LIPM: variants seen among roughly 807,000 people sequenced by gnomAD.
LIPM encodes the protein lipase family member M.
A neutral mutation model predicts 42.4 loss-of-function variants in LIPM; 42 were observed. The observed-to-expected ratio is 0.99, with a 90% confidence interval of 0.77 to 1.28. The LOEUF (loss-of-function observed/expected upper bound fraction) is 1.28. LIPM is among the 50% of genes most tolerant of loss of function. The pLI, the probability that LIPM is intolerant of heterozygous loss-of-function variation, is 0.00. For missense variants in LIPM, 524 were observed against 520.1 expected (o/e 1.01, Z -0.07); for synonymous variants, 177 against 173.3 (o/e 1.02, Z -0.17).
chr10:88,815,770 A>G (rs1843712007), intron 6 of LIPM, among the ~76,000 whole-genome samples: 1 of 152,264 alleles, frequency 6.6e-6, no homozygotes, highest in Admixed American at 6.5e-5. Context: ...ATTAAATTAA[A>G]AAGAGCAATT....
At chr10:88,810,299 A>C (rs1406326014) in intron 2 of LIPM, among the ~76,000 whole-genome samples, 1 of 152,200 alleles carries the variant, frequency 6.6e-6, no homozygotes, top group East Asian at 1.9e-4. Context: ...CAGTCGAGTG[A>C]CTTAGCAATT....
Position 88,819,565 on chromosome 10 carries a change from C to T in LIPM, c.1003-667C>T, listed in dbSNP as rs184890184. On this transcript the variant is annotated intron_variant, in intron 8 of 8. Coordinates refer to ENST00000404743, the MANE Select transcript of LIPM (RefSeq NM_001128215.1). ...TGCTGATTAATCTCAAGGGCTCAGC[C>T]GGCTAGGCTAATTCTACTAACACTG... Among the ~76,000 whole-genome samples the T allele has an allele frequency of 1.9e-4, 29 of 152,310 alleles. No homozygotes were observed. In the East Asian group the frequency reaches 5.0e-3, roughly 26 times the overall value.
At chr10:88,813,591 G>T (rs998016323) in intron 3 of LIPM, among the ~76,000 whole-genome samples, 3 of 135,460 alleles carry the variant, frequency 2.2e-5, no homozygotes, top group Non-Finnish European at 4.9e-5. Flanking sequence ...GGAGGGGCGG[G>T]TAATAGTATA....
In LIPM at chr10:88,820,236, C is replaced by A. The variant is rs200206641; in HGVS notation, c.1007C>A (p.Thr336Asn). ...AGAACTATTCCTTTTCTCTAGCCAA[C>A]TCCTGTAAGGTACAGAGTCAGAGAT... is the stretch of plus-strand genomic sequence containing the variant. ...TKNLEKCNQP[T>N]PVRYRVRDMT... The change falls in exon 9 of 9, where the codon ACT becomes AAT. Residue 336 changes from threonine to asparagine, a missense_variant. Coordinates refer to ENST00000404743, the MANE Select transcript of LIPM (RefSeq NM_001128215.1). 2.3e-3 allele frequency: 3,496 copies of A among 1,549,760 alleles called. 5 individuals are homozygous for A. Among genetic ancestry groups the A allele is most frequent in the Non-Finnish European group, 2.6e-3 (2,995 of 1,146,336 alleles).
intron 3 of LIPM, 47 bp downstream of exon 3, chr10:88,813,342 A>T (rs760946396): frequency 1.2e-5 from 17 of 1,403,656 alleles, no homozygotes; most frequent in Non-Finnish European, 1.4e-5. Flanking sequence ...TGTCTTTCAA[A>T]AAAAATGGGT....
chr10:88,810,368 T>C (rs938954995), intron 2 of LIPM, among the ~76,000 whole-genome samples: 1 of 152,150 alleles, frequency 6.6e-6, no homozygotes, highest in Non-Finnish European at 1.5e-5. Flanking sequence ...TTTTCTTACA[T>C]CCTGTTGATT....
chr10:88,815,517 T>C lies in LIPM; in HGVS notation c.858+14T>C, dbSNP rs373741061. 43 of 1,549,006 alleles carry C rather than the reference T, an allele frequency of 2.8e-5. 1 individual carries two copies. In the African/African-American group the frequency reaches 3.4e-4, roughly 12 times the overall value. ...AATATGAACATGGTAAGTGGGAGCC[T>C]AGTAAATTCCCAGCATCCCAGCATA... On this transcript the variant is annotated intron_variant, in intron 6 of 8. Coordinates refer to ENST00000404743, the MANE Select transcript of LIPM (RefSeq NM_001128215.1).
intron 8 of LIPM, 85 bp downstream of exon 8, chr10:88,817,981 A>G: frequency 9.6e-7 from 1 of 1,041,316 alleles, no homozygotes; most frequent in East Asian, 2.6e-5. Flanking sequence ...TATTCTAGAT[A>G]TGGGAATAAA....
At chr10:88,818,729 T>G (rs1331512817) in intron 8 of LIPM, among the ~76,000 whole-genome samples, 1 of 152,188 alleles carries the variant, frequency 6.6e-6, no homozygotes, top group Non-Finnish European at 1.5e-5. Context: ...CATATGTCTA[T>G]CTAGATGTAA....
At chr10:88,807,401 T>C (rs1248268584) in intron 1 of LIPM, among the ~76,000 whole-genome samples, 1 of 152,214 alleles carries the variant, frequency 6.6e-6, no homozygotes, top group Non-Finnish European at 1.5e-5. Context: ...TTTGGCCTTC[T>C]CTCTTGCTCT....
chr10:88,810,855 T>C (rs1318151597), intron 2 of LIPM, among the ~76,000 whole-genome samples: 1 of 152,210 alleles, frequency 6.6e-6, no homozygotes, highest in African/African-American at 2.4e-5. Context: ...CCATGGGAAA[T>C]GCCCGGACTC....
At chr10:88,818,885 T>A (rs531416736) in intron 8 of LIPM, among the ~76,000 whole-genome samples, 3 of 152,284 alleles carry the variant, frequency 2.0e-5, no homozygotes, top group East Asian at 3.9e-4. Context: ...GATGTTTTTT[T>A]AATTATATTT....
intron 1 of LIPM, chr10:88,805,883 C>A: frequency 2.3e-6 from 1 of 436,582 alleles, no homozygotes; most frequent in Non-Finnish European, 4.6e-6. Flanking sequence ...AGAGATAAAT[C>A]AAACTGTGAT....
intron 8 of LIPM, among the ~76,000 whole-genome samples, chr10:88,819,300 CA>C (rs912205160): frequency 6.6e-6 from 1 of 151,848 alleles, no homozygotes; most frequent in East Asian, 1.9e-4. Context: ...AACAAACACA[CA>C]AAAAAAATCA....
rs1053284929 is a variant in LIPM at position 88,808,400 on chromosome 10, C to T, written c.250C>T (p.Gln84Ter). The T allele has an allele frequency of 6.5e-7, 1 of 1,548,818 alleles. No individual in the cohort carries two copies. The highest frequency in any genetic ancestry group is 1.2e-5 in the South Asian group (1 of 83,978). Residue 84 changes from glutamine (Q) to a stop codon, truncating the protein, a stop_gained, in exon 2 of 9, where the codon CAA becomes TAA. Transcript: ENST00000404743. LOFTEE classifies it high-confidence loss of function. ...SVNRIPRGLV[Q>*]PKKTGSRPVV... is the part of the protein sequence containing the mutation. Reference sequence around the variant, plus strand: ...TAACAGGATTCCTCGAGGCCTAGTGCAACCTAAGAAGACAGGTGTGGGTCA... The same window carrying T: ...TAACAGGATTCCTCGAGGCCTAGTGTAACCTAAGAAGACAGGTGTGGGTCA...
chr10:88,817,966 C>T, intron 8 of LIPM, 70 bp downstream of exon 8: 1 of 1,166,522 alleles, frequency 8.6e-7, no homozygotes, highest in Non-Finnish European at 1.3e-6. Flanking sequence ...GTTATAATGA[C>T]AGTTTATTCT....
intron 2 of LIPM, among the ~76,000 whole-genome samples, chr10:88,810,510 C>CAAAA (rs5786838): frequency 7.3e-6 from 1 of 137,034 alleles, no homozygotes; most frequent in Non-Finnish European, 1.6e-5. Flanking sequence ...TCTCCCATAT[C>CAAAA]AAAAAAAAAA....
intron 6 of LIPM, among the ~76,000 whole-genome samples, chr10:88,816,125 A>C (rs1044498523): frequency 6.6e-6 from 1 of 152,152 alleles, no homozygotes; most frequent in Non-Finnish European, 1.5e-5. Context: ...GAACCGTCTC[A>C]AGTTAGGAAG....
intron 8 of LIPM, among the ~76,000 whole-genome samples, chr10:88,819,002 C>T (rs1216067713): frequency 5.9e-5 from 9 of 152,096 alleles, no homozygotes; most frequent in Admixed American, 5.9e-4. Flanking sequence ...ATTCTCTTGC[C>T]TCAGCCTCCC....
Sources: allele counts gnomAD v4.1 joint callset (sites outside exome capture counted in the v4.1 genomes callset), GRCh38; gene constraint gnomAD v4.1.1; transcripts MANE v1.5; gene names NCBI Gene and HGNC (gene_info 2026-07-23, HGNC 2026-07-21).